Variants in SPRED2 observed in about 807,000 individuals in gnomAD.
The protein encoded by SPRED2 is sprouty related EVH1 domain containing 2, also known as sprouty-related, EVH1 domain-containing protein 2.
SPRED2 carries 47 observed loss-of-function variants against 43.0 expected under a neutral mutation model. That is an observed-to-expected ratio of 1.09 (90% CI 0.87 to 1.40). The LOEUF (loss-of-function observed/expected upper bound fraction) is 1.40. Among genes scored for constraint, SPRED2 ranks in the 40% most tolerant of loss-of-function variants. The pLI, the probability that SPRED2 is intolerant of heterozygous loss-of-function variation, is 0.00. For missense variants in SPRED2, 561 were observed against 586.4 expected, an observed-to-expected ratio of 0.96 and a Z score of 0.45; for synonymous variants, 225 against 225.7, an observed-to-expected ratio of 1.00 and a Z score of 0.03.
chr2:65,390,888 C>T (rs566405513), intron 1 of SPRED2, among the ~76,000 whole-genome samples: 1 of 152,080 alleles, frequency 6.6e-6, no homozygotes, highest in South Asian at 2.1e-4. Context: ...AGTTTGAGAC[C>T]AGCCTAGGCA....
downstream of SPRED2, chr2:65,308,275 C>A (rs1394492958): frequency 1.1e-5 from 11 of 982,734 alleles, no homozygotes; most frequent in African/African-American, 1.7e-5. Context: ...TGAGCAGGAC[C>A]CTGCCCTCTC....
At chr2:65,358,178 C>A (rs1558667249) in intron 1 of SPRED2, among the ~76,000 whole-genome samples, 1 of 152,108 alleles carries the variant, frequency 6.6e-6, no homozygotes, top group Admixed American at 6.5e-5. Flanking sequence ...TCTCTCAGTG[C>A]CAGTGTTATG....
At chr2:65,349,961 GGGGA>G (rs1674463432) in intron 1 of SPRED2, among the ~76,000 whole-genome samples, 1 of 152,214 alleles carries the variant, frequency 6.6e-6, no homozygotes, top group Admixed American at 6.5e-5. Flanking sequence ...AACAAGGCAG[GGGGA>G]TAAAGTGCTG....
intron 1 of SPRED2, among the ~76,000 whole-genome samples, chr2:65,374,911 G>A (rs571749051): frequency 3.4e-4 from 52 of 152,342 alleles, no homozygotes; most frequent in African/African-American, 1.2e-3. Context: ...CCCCAAGAGT[G>A]AGCCTAATAC....
intron 4 of SPRED2, among the ~76,000 whole-genome samples, chr2:65,319,747 C>T (rs763705780): frequency 1.5e-4 from 23 of 152,258 alleles, no homozygotes; most frequent in Non-Finnish European, 2.6e-4. Flanking sequence ...CTTGTGGACA[C>T]GGTTCCTCAG....
chr2:65,381,032 G>C (rs2103646042), intron 1 of SPRED2, among the ~76,000 whole-genome samples: 1 of 152,208 alleles, frequency 6.6e-6, no homozygotes, highest in South Asian at 2.1e-4. Flanking sequence ...TTTAGAACTG[G>C]GGAAACTGCT....
chr2:65,366,305 A>AAACAAC (rs6146790), intron 1 of SPRED2, among the ~76,000 whole-genome samples: 34 of 151,556 alleles, frequency 2.2e-4, no homozygotes, highest in South Asian at 4.2e-4. Context: ...TAATAATAAA[A>AAACAAC]AACAACAACA....
rs1057461677 is a variant in SPRED2 at position 65,316,774 on chromosome 2, A to G, written c.548T>C (p.Leu183Pro). ...GTGGTCTGTGGGGTATGAGTCGTGG[A>G]GGTGGCCCAGGGTATAAATCCTCCG... ...EHRRIYTLGHLHDSYPTDHYH... is the reference protein window; with the variant it reads ...EHRRIYTLGHPHDSYPTDHYH... The change falls in exon 5 of 6, where the codon CTC becomes CCC. Residue 183 changes from leucine to proline, a missense_variant. Leu to Pro is a moderately conservative substitution (Grantham distance 98). This residue lies in a region of SPRED2 where 305 missense variants were observed against 282.4 expected (regional missense o/e 1.08). Transcript: ENST00000356388. The G allele has an allele frequency of 1.9e-6, 3 of 1,612,808 alleles. No homozygotes were observed. The highest frequency in any genetic ancestry group is 2.5e-6 in the Non-Finnish European group (3 of 1,179,604).
In SPRED2 at chr2:65,312,247, T is replaced by C. The variant is rs1673089865; in HGVS notation, c.*1254A>G. On this transcript the variant is annotated 3_prime_UTR_variant, in exon 6 of 6. Transcript: ENST00000356388. ...AAAGTGGCGAGTCTGGGTTTGGAGT[T>C]GCAGGAGAAAGACACTTAGGCATTG... 1.0e-6 allele frequency: 1 copy of C among 985,520 alleles called. No homozygotes were observed. The highest frequency in any genetic ancestry group is 1.2e-6 in the Non-Finnish European group (1 of 829,948). The allele number at this position is 985,520 out of a possible 1,614,324, so 61.0% of individuals were successfully genotyped here.
chr2:65,337,907 A>T (rs1674013034), intron 2 of SPRED2, among the ~76,000 whole-genome samples: 2 of 152,222 alleles, frequency 1.3e-5, no homozygotes, highest in Admixed American at 1.3e-4. Context: ...TGGCAATATT[A>T]AAAAATGTAG....
chr2:65,356,611 A>G (rs779971501), intron 1 of SPRED2, among the ~76,000 whole-genome samples: 2 of 145,362 alleles, frequency 1.4e-5, no homozygotes, highest in Non-Finnish European at 3.0e-5. Context: ...AGAAAACCTA[A>G]TAAGAAGGTC....
At chr2:65,390,564 T>A (rs1290075142) in intron 1 of SPRED2, among the ~76,000 whole-genome samples, 1 of 152,142 alleles carries the variant, frequency 6.6e-6, no homozygotes, top group Non-Finnish European at 1.5e-5. Context: ...CAAATCCAGA[T>A]TCTGTCAAGG....
At chr2:65,346,701 T>C (rs1372965642) in intron 1 of SPRED2, among the ~76,000 whole-genome samples, 1 of 152,182 alleles carries the variant, frequency 6.6e-6, no homozygotes, top group Non-Finnish European at 1.5e-5. Context: ...CACTGCACCC[T>C]GCTGGGCCTA....
Position 65,362,565 on chromosome 2 carries a change from C to T in SPRED2, c.27-17669G>A, listed in dbSNP as rs180951600. On this transcript the variant is annotated intron_variant, in intron 1 of 5. Transcript: ENST00000356388. ...GATTACAGGCGTAAGCCACTGCGCC[C>T]GGCCGTCACCTGTTATGAAGAAACC... 2.8e-4 allele frequency among the ~76,000 whole-genome samples: 43 copies of T among 152,160 alleles called. No individual in the cohort carries two copies. In the South Asian group the frequency reaches 6.8e-3, roughly 24 times the overall value.
chr2:65,326,415 G>A (rs1673617998), intron 4 of SPRED2, among the ~76,000 whole-genome samples: 1 of 152,210 alleles, frequency 6.6e-6, no homozygotes, highest in Non-Finnish European at 1.5e-5. Context: ...TTGGGAACAG[G>A]TAGCTCCGGC....
At chr2:65,421,791 T>C (rs142967679) in intron 1 of SPRED2, among the ~76,000 whole-genome samples, 206 of 152,318 alleles carry the variant, frequency 1.4e-3, no homozygotes, top group South Asian at 2.3e-3. Flanking sequence ...CTAAATGAGT[T>C]CTAATTTCAT....
rs944554803 is a variant in SPRED2 at position 65,347,771 on chromosome 2, C to T, written c.27-2875G>A. On this transcript the variant is annotated intron_variant, in intron 1 of 5. Coordinates refer to ENST00000356388, the MANE Select transcript of SPRED2 (RefSeq NM_181784.3). ...GAGGTCTCTACATAGGCATCGAATA[C>T]GTATCACAATCAACATGTTTCAGGT... Among the ~76,000 whole-genome samples the T allele has an allele frequency of 2.0e-5, 3 of 152,236 alleles. No individual in the cohort carries two copies. In the South Asian group the frequency reaches 6.2e-4, roughly 32 times the overall value.
chr2:65,379,386 G>T, intron 1 of SPRED2, among the ~76,000 whole-genome samples: 1 of 152,222 alleles, frequency 6.6e-6, no homozygotes. Flanking sequence ...TCTTATTCAA[G>T]CAAAGAGGAA....
intron 1 of SPRED2, among the ~76,000 whole-genome samples, chr2:65,401,933 GCGCGCACA>G (rs1482962864): frequency 2.4e-4 from 20 of 83,754 alleles, no homozygotes; most frequent in Middle Eastern, 5.6e-3. Flanking sequence ...ATTAGCGCGC[GCGCGCACA>G]CACACACACA....
Sources: allele counts gnomAD v4.1 joint callset (sites outside exome capture counted in the v4.1 genomes callset), GRCh38; gene constraint gnomAD v4.1.1; regional missense constraint gnomAD v4.1.1; transcripts MANE v1.5; gene names NCBI Gene and HGNC (gene_info 2026-07-23, HGNC 2026-07-21).